Variants in ERBB4 observed in about 807,000 individuals in gnomAD.
ERBB4 encodes erb-b2 receptor tyrosine kinase 4.
ERBB4 carries 42 observed loss-of-function variants against 158.0 expected under a neutral mutation model. The observed-to-expected ratio is 0.27, with a 90% CI of 0.21 to 0.34. ERBB4 has a LOEUF of 0.34. Ranked by LOEUF, ERBB4 falls within the 10% of genes least tolerant of loss-of-function variation. The pLI is 1.00. For missense variants in ERBB4, 1,333 were observed against 1,624.1 expected, an observed-to-expected ratio of 0.82 and a Z score of 3.08; for synonymous variants, 583 against 558.7, an observed-to-expected ratio of 1.04 and a Z score of -0.61.
chr2:212,235,871 G>A (rs2083850628), intron 1 of ERBB4, among the ~76,000 whole-genome samples: 1 of 152,174 alleles, frequency 6.6e-6, no homozygotes, highest in East Asian at 1.9e-4. Context: ...ATTTTGGGCT[G>A]ACACGAAGGC....
At chr2:212,469,723 T>A (rs940489920) in intron 1 of ERBB4, among the ~76,000 whole-genome samples, 7 of 152,148 alleles carry the variant, frequency 4.6e-5, no homozygotes, top group African/African-American at 1.7e-4. Context: ...TATATTTTTT[T>A]AACAATATGC....
intron 19 of ERBB4, among the ~76,000 whole-genome samples, chr2:211,599,417 G>A (rs1263013583): frequency 6.6e-6 from 1 of 151,522 alleles, no homozygotes; most frequent in Non-Finnish European, 1.5e-5. Context: ...AATGTCTTTG[G>A]AATAAAAATA....
intron 2 of ERBB4, among the ~76,000 whole-genome samples, chr2:211,996,648 G>C (rs1372603655): frequency 6.6e-6 from 1 of 152,134 alleles, no homozygotes; most frequent in Non-Finnish European, 1.5e-5. Flanking sequence ...TCTAGATACT[G>C]TAATGTTCTA....
At chr2:212,268,972 T>G (rs2085249289) in intron 1 of ERBB4, among the ~76,000 whole-genome samples, 1 of 151,794 alleles carries the variant, frequency 6.6e-6, no homozygotes, top group South Asian at 2.1e-4. Context: ...AAAAAACCAT[T>G]AGCACTTTCA....
chr2:211,743,360 CTGAGA>C (rs1436696436), intron 5 of ERBB4, among the ~76,000 whole-genome samples: 3 of 152,042 alleles, frequency 2.0e-5, no homozygotes, highest in Non-Finnish European at 2.9e-5. Flanking sequence ...AATGCAGTGA[CTGAGA>C]TAACACCAGG....
Position 212,038,535 on chromosome 2 carries a change from T to A in ERBB4, c.234+86217A>T, listed in dbSNP as rs184802790. On this transcript the variant is annotated intron_variant, in intron 2 of 27. Transcript: ENST00000342788. ...GTCTAAAATATCTCTACCTAAGACA[T>A]TTTTTTCTTTTGTACTTTGTGTGTT... Among the ~76,000 whole-genome samples the A allele has an allele frequency of 1.5e-3, 235 of 152,246 alleles. 2 individuals carry two copies. Among genetic ancestry groups the A allele is most frequent in the Admixed American group, 4.3e-3 (66 of 15,284 alleles).
intron 1 of ERBB4, among the ~76,000 whole-genome samples, chr2:212,492,369 A>C (rs1690327885): frequency 6.6e-6 from 1 of 151,448 alleles, no homozygotes. Context: ...TTATAGCACT[A>C]CCTGGAATCT....
chr2:211,477,673 A>T (rs2064988670), intron 20 of ERBB4, among the ~76,000 whole-genome samples: 1 of 152,092 alleles, frequency 6.6e-6, no homozygotes, highest in Non-Finnish European at 1.5e-5. Context: ...AGAAAGCAAA[A>T]GAAACTAGAG....
chr2:212,406,809 C>T (rs1413167349), intron 1 of ERBB4, among the ~76,000 whole-genome samples: 1 of 152,036 alleles, frequency 6.6e-6, no homozygotes, highest in Non-Finnish European at 1.5e-5. Context: ...CAAGAAAAAG[C>T]CCAAACCCCT....
At chr2:211,755,650 T>C (rs1384210817) in intron 4 of ERBB4, among the ~76,000 whole-genome samples, 1 of 152,264 alleles carries the variant, frequency 6.6e-6, no homozygotes, top group East Asian at 1.9e-4. Context: ...GTTCATCTTT[T>C]ATGCTTGTCC....
chr2:211,421,376 TGTTTAGA>T (rs2063511629), intron 24 of ERBB4, among the ~76,000 whole-genome samples: 1 of 151,926 alleles, frequency 6.6e-6, no homozygotes, highest in South Asian at 2.1e-4. Flanking sequence ...AAGGCCCATT[TGTTTAGA>T]GTTTAGGTGA....
At chr2:212,466,386 T>A (rs1688836728) in intron 1 of ERBB4, among the ~76,000 whole-genome samples, 1 of 152,186 alleles carries the variant, frequency 6.6e-6, no homozygotes, top group Non-Finnish European at 1.5e-5. Flanking sequence ...CACCCAAATA[T>A]CTTCTTGTAG....
chr2:211,527,471 A>T lies in ERBB4; in HGVS notation c.2487+34432T>A, dbSNP rs138777106. Among the ~76,000 whole-genome samples, 48 of 152,216 alleles carry T rather than the reference A, an allele frequency of 3.2e-4. No individual in the cohort carries two copies. In the East Asian group the frequency reaches 7.5e-3, roughly 24 times the overall value. ...TAAAGGGAATACTTCAACTGGGAAG[A>T]AAAGCATATTAATGAACAATAAGAC... On this transcript the variant is annotated intron_variant, in intron 20 of 27. Transcript: ENST00000342788.
chr2:212,146,245 C>T (rs1421799039), intron 1 of ERBB4, among the ~76,000 whole-genome samples: 1 of 152,188 alleles, frequency 6.6e-6, no homozygotes, highest in Non-Finnish European at 1.5e-5. Flanking sequence ...TTAATGCCCA[C>T]TATTTCTCTT....
At chr2:211,429,304 C>T (rs2063701894) in intron 21 of ERBB4, among the ~76,000 whole-genome samples, 1 of 152,102 alleles carries the variant, frequency 6.6e-6, no homozygotes, top group South Asian at 2.1e-4. Context: ...CCCTTCTCCT[C>T]TCATATAATT....
At chr2:212,023,911 C>A (rs1285304185) in intron 2 of ERBB4, among the ~76,000 whole-genome samples, 1 of 149,992 alleles carries the variant, frequency 6.7e-6, no homozygotes, top group East Asian at 1.9e-4. Context: ...AAAACTTACA[C>A]ACAAAATATT....
At chr2:211,715,899 C>T (rs919341085) in intron 7 of ERBB4, among the ~76,000 whole-genome samples, 4 of 152,052 alleles carry the variant, frequency 2.6e-5, no homozygotes, top group Admixed American at 6.5e-5. Flanking sequence ...TTGGGAAATG[C>T]GTTACAATGA....
intron 2 of ERBB4, among the ~76,000 whole-genome samples, chr2:211,999,578 G>T (rs1229196802): frequency 6.6e-6 from 1 of 151,700 alleles, no homozygotes; most frequent in Non-Finnish European, 1.5e-5. Context: ...AAACATAAAA[G>T]AATCAAATGA....
chr2:212,387,529 T>C (rs1418555554), intron 1 of ERBB4, among the ~76,000 whole-genome samples: 1 of 151,810 alleles, frequency 6.6e-6, no homozygotes. Flanking sequence ...GCAATTCTCC[T>C]ACCTCAGCCT....
Sources: allele counts gnomAD v4.1 joint callset (sites outside exome capture counted in the v4.1 genomes callset), GRCh38; gene constraint gnomAD v4.1.1; transcripts MANE v1.5; gene names NCBI Gene and HGNC (gene_info 2026-07-23, HGNC 2026-07-21).